Variants in GULP1 observed in about 807,000 individuals in gnomAD.
GULP1 encodes the protein GULP PTB domain containing engulfment adaptor 1.
Under a neutral mutation model 40.9 loss-of-function variants are expected in GULP1, and 19 were observed. That is an observed-to-expected ratio of 0.46 (90% CI 0.32 to 0.68). The LOEUF is 0.68. Among genes scored for constraint, GULP1 ranks in the 30% least tolerant of loss-of-function variants. The probability of loss-of-function intolerance (pLI) is 0.03; values close to 1 mark genes in which losing one functional copy is unlikely to be tolerated. For synonymous variants in GULP1, 119 were observed against 117.6 expected (o/e 1.01, Z -0.08); for missense variants, 312 against 362.2 (o/e 0.86, Z 1.12).
chr2:188,553,396 A>G (rs1051949442), intron 7 of GULP1, among the ~76,000 whole-genome samples: 2 of 152,024 alleles, frequency 1.3e-5, no homozygotes, highest in African/African-American at 4.8e-5. Context: ...ACTTTATCAA[A>G]TTCTTTTTCT....
At chr2:188,302,734 A>T (rs564638090) in intron 1 of GULP1, among the ~76,000 whole-genome samples, 62 of 152,232 alleles carry the variant, frequency 4.1e-4, no homozygotes, top group African/African-American at 1.5e-3. Context: ...TCTGATCTGC[A>T]TTGCCAAATT....
intron 2 of GULP1, among the ~76,000 whole-genome samples, chr2:188,409,351 G>A (rs1025855444): frequency 6.6e-6 from 1 of 152,072 alleles, no homozygotes; most frequent in African/African-American, 2.4e-5. Context: ...ACTTGGATAA[G>A]GTAGAAGTAA....
intron 1 of GULP1, chr2:188,297,669 A>G (rs1387176704): frequency 3.0e-6 from 1 of 333,318 alleles, no homozygotes; most frequent in Non-Finnish European, 6.1e-6. Context: ...ATAGAAATAA[A>G]GACAATCATT....
Position 188,483,428 on chromosome 2 carries a change from C to T in GULP1, c.29-3C>T. The T allele has an allele frequency of 1.3e-6, 2 of 1,489,708 alleles. No individual in the cohort carries two copies. Among genetic ancestry groups the T allele is most frequent in the Non-Finnish European group, 9.3e-7 (1 of 1,078,238 alleles). The allele number at this position is 1,489,708 out of a possible 1,614,324, so 92.3% of individuals were successfully genotyped here. On this transcript the variant is annotated splice_region_variant and splice_polypyrimidine_tract_variant and intron_variant, in intron 3 of 11. Coordinates refer to ENST00000409830, the MANE Select transcript of GULP1 (RefSeq NM_016315.4). ...ATTTAACTCTGTGTATTTTTTATTG[C>T]AGACAAAACATGGATGCATACACCT...
chr2:188,547,864 A>G (rs1692382965), intron 7 of GULP1, among the ~76,000 whole-genome samples: 1 of 152,136 alleles, frequency 6.6e-6, no homozygotes, highest in African/African-American at 2.4e-5. Context: ...AACCACATGG[A>G]AAATCTAAAG....
intron 2 of GULP1, among the ~76,000 whole-genome samples, chr2:188,396,276 C>A (rs2051254095): frequency 6.6e-6 from 1 of 152,186 alleles, no homozygotes; most frequent in African/African-American, 2.4e-5. Context: ...GCCGGAGGGG[C>A]AAAGCCAGGT....
intron 4 of GULP1, among the ~76,000 whole-genome samples, chr2:188,506,451 G>A (rs1370802775): frequency 1.3e-5 from 2 of 151,708 alleles, no homozygotes; most frequent in African/African-American, 4.8e-5. Context: ...ATACTCTTTG[G>A]CTTTTATCTA....
intron 2 of GULP1, among the ~76,000 whole-genome samples, chr2:188,422,925 C>T (rs984803609): frequency 9.9e-5 from 15 of 152,066 alleles, no homozygotes; most frequent in African/African-American, 2.7e-4. Context: ...TCTGCTCTTT[C>T]GGTTTCCAGA....
At chr2:188,575,360 T>C (rs74749143) in intron 9 of GULP1, among the ~76,000 whole-genome samples, 5,199 of 152,360 alleles carry the variant, frequency 0.034, 121 homozygotes, top group Middle Eastern at 0.058. Context: ...CTCTTTGGTT[T>C]TTACAGTTTA....
chr2:188,520,802 A>G (rs1226333665), intron 4 of GULP1, among the ~76,000 whole-genome samples: 2 of 152,128 alleles, frequency 1.3e-5, no homozygotes, highest in Non-Finnish European at 2.9e-5. Flanking sequence ...CCCTACCTCT[A>G]AAGATTCTGA....
chr2:188,467,692 AT>A (rs928018268), intron 2 of GULP1, among the ~76,000 whole-genome samples: 4 of 151,892 alleles, frequency 2.6e-5, no homozygotes, highest in Non-Finnish European at 5.9e-5. Flanking sequence ...TCGATAACTC[AT>A]TTTTTTCCTC....
chr2:188,544,274 A>G (rs75723570), intron 7 of GULP1, among the ~76,000 whole-genome samples: 5,968 of 152,204 alleles, frequency 0.039, 268 homozygotes, highest in African/African-American at 0.1. Context: ...TGTCAGAGAT[A>G]TTATAATTAT....
intron 9 of GULP1, among the ~76,000 whole-genome samples, chr2:188,570,487 A>T: frequency 6.6e-6 from 1 of 152,268 alleles, no homozygotes; most frequent in East Asian, 1.9e-4. Flanking sequence ...TGAAGTGCTC[A>T]ACTTCATTGT....
intron 7 of GULP1, among the ~76,000 whole-genome samples, chr2:188,563,102 T>C (rs527311349): frequency 6.6e-6 from 1 of 152,046 alleles, no homozygotes; most frequent in Non-Finnish European, 1.5e-5. Context: ...AGTCCTGACA[T>C]AAAGTTAAAT....
At chr2:188,525,348 G>A (rs1685899531) in intron 5 of GULP1, among the ~76,000 whole-genome samples, 1 of 152,010 alleles carries the variant, frequency 6.6e-6, no homozygotes, top group Admixed American at 6.6e-5. Context: ...CCGCGATCGC[G>A]CCATTGCACT....
intron 2 of GULP1, among the ~76,000 whole-genome samples, chr2:188,461,812 A>G (rs2059732014): frequency 6.6e-6 from 1 of 151,866 alleles, no homozygotes; most frequent in Admixed American, 6.6e-5. Flanking sequence ...CTCTGCTTTT[A>G]TTTGCAATGT....
intron 2 of GULP1, among the ~76,000 whole-genome samples, chr2:188,476,601 A>C (rs2061031124): frequency 6.6e-6 from 1 of 152,156 alleles, no homozygotes; most frequent in African/African-American, 2.4e-5. Context: ...AAAAAATAGC[A>C]AAATATTTTA....
chr2:188,437,292 C>T (rs1294707156), intron 2 of GULP1, among the ~76,000 whole-genome samples: 3 of 151,916 alleles, frequency 2.0e-5, no homozygotes, highest in Non-Finnish European at 4.4e-5. Context: ...CTTTAAAATT[C>T]AGAGCCCAAA....
At chr2:188,528,508 A>G (rs1686750199) in intron 5 of GULP1, among the ~76,000 whole-genome samples, 1 of 152,132 alleles carries the variant, frequency 6.6e-6, no homozygotes, top group Admixed American at 6.6e-5. Context: ...GTATTGAAAA[A>G]AAAAACTGTG....
Sources: allele counts gnomAD v4.1 joint callset (sites outside exome capture counted in the v4.1 genomes callset), GRCh38; gene constraint gnomAD v4.1.1; transcripts MANE v1.5; gene names NCBI Gene and HGNC (gene_info 2026-07-23, HGNC 2026-07-21).